Variants in DSCAML1 observed in about 807,000 individuals in gnomAD.
DSCAML1 encodes the protein cell adhesion molecule DSCAML1.
DSCAML1 carries 38 observed loss-of-function variants against 200.5 expected under a neutral mutation model. The observed-to-expected ratio is 0.19, with a 90% CI of 0.15 to 0.25. The LOEUF is 0.25. Among genes scored for constraint, DSCAML1 ranks in the 10% least tolerant of loss-of-function variants. DSCAML1 has a pLI of 1.00. For missense variants in DSCAML1, 2,223 were observed against 2,858.8 expected (o/e 0.78, Z 5.07); for synonymous variants, 1,215 against 1,165.0 (o/e 1.04, Z -0.87).
At chr11:117,751,434 A>T (rs1188488030) in intron 3 of DSCAML1, among the ~76,000 whole-genome samples, 1 of 151,262 alleles carries the variant, frequency 6.6e-6, no homozygotes, top group Non-Finnish European at 1.5e-5. Context: ...GATTAGATAA[A>T]ATTCACGCCA....
chr11:117,544,562 T>C (rs1411858720), intron 3 of DSCAML1, among the ~76,000 whole-genome samples: 1 of 152,110 alleles, frequency 6.6e-6, no homozygotes, highest in Non-Finnish European at 1.5e-5. Context: ...CTGCTGATGG[T>C]GAATAACCTG....
In DSCAML1 at chr11:117,518,876, A is replaced by T. The variant is rs559907707; in HGVS notation, c.1214-114T>A. ...AAAAGCAGCCATAAGAGCAAACAAGAACTTTTGTGTACATCAATTCTTCTG... is the reference window on the plus strand; with the variant it reads ...AAAAGCAGCCATAAGAGCAAACAAGTACTTTTGTGTACATCAATTCTTCTG... On this transcript the variant is annotated intron_variant, in intron 6 of 32. Transcript: ENST00000651296. This position sits in a 1 kb window ranked among gnomAD's most constrained non-coding sequence, Gnocchi z 6.3. 12 of 1,205,876 alleles carry T rather than the reference A, an allele frequency of 1.0e-5. No individual in the cohort carries two copies. The African/African-American group carries it at 1.8e-4, about 18-fold the overall frequency. 74.7% of individuals were successfully genotyped at this position (1,205,876 alleles called of 1,614,324 possible). A position where few individuals can be genotyped will look rare whatever the true frequency, so the allele number is the denominator to read the frequency against.
intron 11 of DSCAML1, among the ~76,000 whole-genome samples, chr11:117,482,558 C>T (rs538156351): frequency 3.9e-5 from 6 of 152,278 alleles, no homozygotes; most frequent in Admixed American, 1.3e-4. Flanking sequence ...AAAATAAGAT[C>T]CAGTGGTAGC....
At chr11:117,490,804 C>T (rs556503639) in intron 11 of DSCAML1, among the ~76,000 whole-genome samples, 75 of 152,328 alleles carry the variant, frequency 4.9e-4, no homozygotes, top group Admixed American at 1.6e-3. Context: ...GTAGGTTTTT[C>T]TTCCTCACAT....
At chr11:117,588,116 G>T (rs1034788334) in intron 3 of DSCAML1, among the ~76,000 whole-genome samples, 6 of 152,306 alleles carry the variant, frequency 3.9e-5, no homozygotes, top group South Asian at 4.1e-4. Context: ...CCTGGGTTAG[G>T]TTCCACTGTC....
chr11:117,684,250 C>T (rs146707338), intron 3 of DSCAML1, among the ~76,000 whole-genome samples: 5 of 152,090 alleles, frequency 3.3e-5, no homozygotes, highest in East Asian at 1.9e-4. Context: ...ACAGATCACA[C>T]GTGATGTTTT....
At chr11:117,800,372 G>A (rs1398783252), upstream of DSCAML1, among the ~76,000 whole-genome samples, 1 of 152,224 alleles carries the variant, frequency 6.6e-6, no homozygotes, top group Non-Finnish European at 1.5e-5. Context: ...AGAAGGGACA[G>A]TTCCCAAAAT....
intron 3 of DSCAML1, among the ~76,000 whole-genome samples, chr11:117,547,908 A>T (rs1338451264): frequency 6.6e-6 from 1 of 152,162 alleles, no homozygotes; most frequent in African/African-American, 2.4e-5. Flanking sequence ...GCTGCTGCTC[A>T]TGACACTCTC....
At chr11:117,731,676 C>T (rs780419245) in intron 3 of DSCAML1, among the ~76,000 whole-genome samples, 9 of 152,336 alleles carry the variant, frequency 5.9e-5, no homozygotes, top group African/African-American at 9.6e-5. Context: ...TCTTCCCTGT[C>T]GTTTAATACC....
rs555283732 is a variant in DSCAML1, at chr11:117,497,582, C to T, written c.2359+6263G>A. On this transcript the variant is annotated intron_variant, in intron 11 of 32. Transcript: ENST00000651296. The stretch of plus-strand genomic sequence containing the variant: ...AAAGAGACAGCCGGATGATCATTGC[C>T]ATGGAAATCATCACAATGGCTCATT... Among the ~76,000 whole-genome samples the T allele has an allele frequency of 2.6e-5, 4 of 152,012 alleles. No individual in the cohort carries two copies. The South Asian group carries it at 8.3e-4, about 32-fold the overall frequency.
rs1491164370 is a variant in DSCAML1 at position 117,780,251 on chromosome 11, A to AG, written c.364+241dup. Among the ~76,000 whole-genome samples the AG allele has an allele frequency of 4.9e-5, 4 of 81,946 alleles. No homozygotes were observed. Among genetic ancestry groups the AG allele is most frequent in the Non-Finnish European group, 1.0e-4 (4 of 38,196 alleles). 53.8% of individuals were successfully genotyped at this position (81,946 alleles called of 152,430 possible). ...AGAAAGGAAAGAAAGAAAGAAAGAA[A>AG]GAAAGAAAGAAAGAAAGAAAGAAAG... On this transcript the variant is annotated intron_variant, in intron 2 of 32. Coordinates refer to ENST00000651296, the MANE Select transcript of DSCAML1 (RefSeq NM_020693.4). This position sits in a 1 kb window ranked among gnomAD's most constrained non-coding sequence, Gnocchi z 4.8.
At chr11:117,568,512 C>A (rs1827384101) in intron 3 of DSCAML1, among the ~76,000 whole-genome samples, 1 of 152,112 alleles carries the variant, frequency 6.6e-6, no homozygotes, top group Non-Finnish European at 1.5e-5. Context: ...AGCTGATAAG[C>A]AACTTCAGCA....
At chr11:117,719,157 A>G (rs765691239) in intron 3 of DSCAML1, among the ~76,000 whole-genome samples, 4 of 152,162 alleles carry the variant, frequency 2.6e-5, no homozygotes, top group Non-Finnish European at 4.4e-5. Flanking sequence ...GAAACTGGCC[A>G]GGCACAGTGG....
At chr11:117,565,204 G>C (rs771101066) in intron 3 of DSCAML1, among the ~76,000 whole-genome samples, 31 of 152,008 alleles carry the variant, frequency 2.0e-4, no homozygotes, top group Non-Finnish European at 4.1e-4. Context: ...TGTACTAAAG[G>C]TACATCGTTT....
chr11:117,709,899 G>C (rs1398763502), intron 3 of DSCAML1, among the ~76,000 whole-genome samples: 1 of 152,106 alleles, frequency 6.6e-6, no homozygotes, highest in South Asian at 2.1e-4. Context: ...AAGGAGCAGG[G>C]GCCTGGCTCA....
chr11:117,735,533 C>T (rs1393798861), intron 3 of DSCAML1, among the ~76,000 whole-genome samples: 1 of 152,128 alleles, frequency 6.6e-6, no homozygotes, highest in Non-Finnish European at 1.5e-5. Flanking sequence ...AGGACAATAA[C>T]GCCTTTCAAA....
Position 117,433,251 on chromosome 11 carries a change from T to G in DSCAML1, c.4913A>C (p.Asn1638Thr), listed in dbSNP as rs1459906284. 6.2e-7 allele frequency: 1 copy of G among 1,609,544 alleles called. No individual in the cohort carries two copies. Among genetic ancestry groups the G allele is most frequent in the Non-Finnish European group, 8.5e-7 (1 of 1,177,688 alleles). ...CACAGGGGTGTCAAAGCTTCTATTG[T>G]TCTTGCTGTGGGGAGAAAGACTGGA... is the stretch of plus-strand genomic sequence containing the variant. ...KSLAEMLISK[N>T]NRSFDTPVKG... Residue 1638 changes from asparagine to threonine, a missense_variant, in exon 29 of 33, where the codon AAC becomes ACC. Asn to Thr is a moderately conservative substitution (Grantham distance 65, BLOSUM62 0). Transcript: ENST00000651296.
chr11:117,690,311 C>T (rs115315945), intron 3 of DSCAML1, among the ~76,000 whole-genome samples: 3,082 of 152,328 alleles, frequency 0.02, 105 homozygotes, highest in African/African-American at 0.07. Flanking sequence ...ATGTCCAATC[C>T]CAGCATGGGG....
At chr11:117,807,495 A>C (rs1326615021) in intron 1 of DSCAML1, among the ~76,000 whole-genome samples, 3 of 152,200 alleles carry the variant, frequency 2.0e-5, no homozygotes, top group Non-Finnish European at 4.4e-5. Flanking sequence ...GGAGTCAGAG[A>C]TTCACCGCAC....
Sources: gnomAD v4.1 joint callset for allele counts (sites outside exome capture counted in the v4.1 genomes callset) on GRCh38, gnomAD v4.1.1 for gene constraint, Gnocchi (gnomAD v3.1) non-coding constraint, MANE v1.5 for transcripts, NCBI Gene and HGNC (gene_info 2026-07-23, HGNC 2026-07-21) for gene names.